Variants in NMBR observed in about 807,000 individuals in gnomAD.
NMBR encodes neuromedin B receptor, also known as neuromedin-B receptor.
A neutral mutation model predicts 20.5 loss-of-function variants in NMBR; 16 were observed. The ratio of observed to expected loss-of-function variants is 0.78; its 90% CI spans 0.53 to 1.19. The LOEUF (loss-of-function observed/expected upper bound fraction) is 1.19, where lower values mean the gene tolerates loss of function less well. Among genes scored for constraint, NMBR ranks in the 50% most tolerant of loss-of-function variants. The probability of loss-of-function intolerance (pLI) is 0.00; values close to 1 mark genes in which losing one functional copy is unlikely to be tolerated. For synonymous variants in NMBR, 212 were observed against 196.6 expected (o/e 1.08, Z -0.65); for missense variants, 582 against 499.1 (o/e 1.17, Z -1.58).
At chr6:142,106,891 G>A (rs1160118291) in intron 1 of NMBR, among the ~76,000 whole-genome samples, 9 of 152,100 alleles carry the variant, frequency 5.9e-5, no homozygotes, top group African/African-American at 2.2e-4. Flanking sequence ...TTAAAACAAT[G>A]GTAAGAGTTT....
intron 1 of NMBR, among the ~76,000 whole-genome samples, chr6:142,138,538 T>C (rs1328787178): frequency 6.6e-6 from 1 of 152,148 alleles, no homozygotes; most frequent in Non-Finnish European, 1.5e-5. Context: ...CTGGTAAAAA[T>C]TGTCCACTCT....
At chr6:142,090,053 T>A (rs1226480103) in intron 1 of NMBR, among the ~76,000 whole-genome samples, 1 of 152,178 alleles carries the variant, frequency 6.6e-6, no homozygotes, top group Non-Finnish European at 1.5e-5. Flanking sequence ...GATTGAGTAA[T>A]GCCACTCGTA....
In NMBR at chr6:142,088,890, C is replaced by A; in HGVS notation, c.-232G>T. The A allele has an allele frequency of 2.4e-6, 1 of 415,454 alleles. No homozygotes were observed. Among genetic ancestry groups the A allele is most frequent in the Non-Finnish European group, 4.1e-6 (1 of 241,844 alleles). 25.7% of individuals were successfully genotyped at this position (415,454 alleles called of 1,614,324 possible). ...AGGGGGGAAATGGCTCCGGCTAACT[C>A]TGAATTTAAATTAAAAAAAAAAAAA... On this transcript the variant is annotated 5_prime_UTR_variant, in exon 2 of 4. Transcript: ENST00000258042.
At chr6:142,135,872 C>T (rs1047002907) in intron 1 of NMBR, among the ~76,000 whole-genome samples, 62 of 151,698 alleles carry the variant, frequency 4.1e-4, no homozygotes, top group African/African-American at 1.4e-3. Context: ...ATATGTGCCA[C>T]ATTTTCTTAA....
In NMBR at chr6:142,147,044, C is replaced by A; in HGVS notation, c.-664G>T. 1.9e-6 allele frequency: 1 copy of A among 523,962 alleles called. No homozygotes were observed. Among genetic ancestry groups the A allele is most frequent in the Non-Finnish European group, 3.4e-6 (1 of 290,002 alleles). 32.5% of individuals were successfully genotyped at this position (523,962 alleles called of 1,614,324 possible). A position where few individuals can be genotyped will look rare whatever the true frequency, so the allele number is the denominator to read the frequency against. ...ACAAAACAAAAACCCTTCCTCCTACCAGCAGAGAGCGCTAGCGCCATGCGC... is the reference window on the plus strand; with the variant it reads ...ACAAAACAAAAACCCTTCCTCCTACAAGCAGAGAGCGCTAGCGCCATGCGC... On this transcript the variant is annotated splice_region_variant and 5_prime_UTR_variant, in exon 1 of 4. Coordinates refer to ENST00000258042, the MANE Select transcript of NMBR (RefSeq NM_002511.4).
At chr6:142,111,920 G>T (rs1777770094) in intron 1 of NMBR, among the ~76,000 whole-genome samples, 1 of 152,116 alleles carries the variant, frequency 6.6e-6, no homozygotes, top group Admixed American at 6.5e-5. Flanking sequence ...AAACTGAAAA[G>T]GTAAGCAAAT....
At chr6:142,126,809 T>C (rs1320173427) in intron 1 of NMBR, among the ~76,000 whole-genome samples, 1 of 143,518 alleles carries the variant, frequency 7.0e-6, no homozygotes, top group Non-Finnish European at 1.5e-5. Flanking sequence ...GTTCTTCATA[T>C]ATTTTGGATA....
chr6:142,134,921 G>A (rs1360554768), intron 1 of NMBR: 11 of 549,802 alleles, frequency 2.0e-5, no homozygotes, highest in Non-Finnish European at 3.2e-5. Flanking sequence ...TTCAGACAAT[G>A]ACCAAATAAT....
intron 1 of NMBR, among the ~76,000 whole-genome samples, chr6:142,116,075 C>T (rs746961490): frequency 3.3e-5 from 5 of 151,734 alleles, no homozygotes; most frequent in Non-Finnish European, 5.9e-5. Context: ...TTTTACCTGC[C>T]GCCATCCCCA....
chr6:142,088,427 G>A lies in NMBR; in HGVS notation c.232C>T (p.Pro78Ser), dbSNP rs776318230. ...GCCAGGTTAGAGATGAAGATGTTGGGGACGCTCCTCATGGCGCTGTTGGTG... is the reference window on the plus strand; with the variant it reads ...GCCAGGTTAGAGATGAAGATGTTGGAGACGCTCCTCATGGCGCTGTTGGTG... ...FITNSAMRSV[P>S]NIFISNLAAG... The change falls in exon 2 of 4, where the codon CCC (proline) becomes TCC (serine). Residue 78 changes from proline (P) to serine (S), a missense_variant. Transcript: ENST00000258042. 8 of 1,614,016 alleles carry A rather than the reference G, an allele frequency of 5.0e-6. No homozygotes were observed. In the South Asian group the frequency reaches 7.7e-5, roughly 16 times the overall value.
At position 142,139,802 on chromosome 6, in the gene NMBR, T is replaced by A. The variant is rs184882143; in HGVS notation, c.-664+7242A>T. Among the ~76,000 whole-genome samples the A allele has an allele frequency of 1.7e-3, 259 of 152,354 alleles. 2 individuals carry two copies. Among genetic ancestry groups the A allele is most frequent in the African/African-American group, 6.0e-3 (250 of 41,584 alleles). On this transcript the variant is annotated intron_variant, in intron 1 of 3. Transcript: ENST00000258042. ...TAGCACACAGCTATATAGTCCTGAA[T>A]AATAAATGCTATATATCAAAATTCA...
chr6:142,081,258 T>C (rs1006534770), intron 2 of NMBR, among the ~76,000 whole-genome samples: 6 of 151,978 alleles, frequency 3.9e-5, no homozygotes, highest in Admixed American at 6.6e-5. Context: ...TCTTGGGGAG[T>C]AGGATTTCAA....
chr6:142,111,017 A>G (rs1777754064), intron 1 of NMBR, among the ~76,000 whole-genome samples: 1 of 152,126 alleles, frequency 6.6e-6, no homozygotes, highest in Non-Finnish European at 1.5e-5. Flanking sequence ...AGGCGCATGG[A>G]TCACTTGAGG....
chr6:142,132,101 G>A (rs1778153299), intron 1 of NMBR, among the ~76,000 whole-genome samples: 1 of 152,170 alleles, frequency 6.6e-6, no homozygotes, highest in African/African-American at 2.4e-5. Flanking sequence ...CCTATTCAAT[G>A]AGAACACTGT....
At chr6:142,116,575 G>A (rs1230315621) in intron 1 of NMBR, among the ~76,000 whole-genome samples, 1 of 151,986 alleles carries the variant, frequency 6.6e-6, no homozygotes, top group Non-Finnish European at 1.5e-5. Context: ...TCATATCTGT[G>A]ATATCATTTG....
chr6:142,100,625 A>C (rs887535027), intron 1 of NMBR, among the ~76,000 whole-genome samples: 3 of 152,204 alleles, frequency 2.0e-5, no homozygotes, highest in Non-Finnish European at 2.9e-5. Context: ...TAATTGTAGA[A>C]ATGTGTAATT....
rs1194468221 is a variant in NMBR, at chr6:142,075,042, A to AT, written c.*605dup. Among the ~76,000 whole-genome samples the AT allele has an allele frequency of 6.6e-6, 1 of 151,654 alleles. No individual in the cohort carries two copies. The highest frequency in any genetic ancestry group is 2.4e-5 in the African/African-American group (1 of 41,242). ...CAATTTGATTAAGCTCCACCTTTGA[A>AT]TTTTTTCTTATTTTCTTAAAATGAA... is the stretch of plus-strand genomic sequence containing the variant. On this transcript the variant is annotated 3_prime_UTR_variant, in exon 4 of 4. Transcript: ENST00000258042.
chr6:142,128,486 A>T (rs1409662551), intron 1 of NMBR, among the ~76,000 whole-genome samples: 1 of 151,992 alleles, frequency 6.6e-6, no homozygotes, highest in Non-Finnish European at 1.5e-5. Flanking sequence ...TCCATTGATT[A>T]TGATGTTAGC....
intron 1 of NMBR, among the ~76,000 whole-genome samples, chr6:142,102,031 T>C (rs1335916648): frequency 6.6e-6 from 1 of 152,124 alleles, no homozygotes; most frequent in East Asian, 1.9e-4. Flanking sequence ...TGGAGTGTGC[T>C]CCTTAGCCAG....
Sources: gnomAD v4.1 joint callset for allele counts (sites outside exome capture counted in the v4.1 genomes callset) on GRCh38, gnomAD v4.1.1 for gene constraint, MANE v1.5 for transcripts, NCBI Gene and HGNC (gene_info 2026-07-23, HGNC 2026-07-21) for gene names.